Variants in CSTPP1 observed in about 807,000 individuals in gnomAD.
The protein encoded by CSTPP1 is UPF0705 protein C11orf49.
the CSTPP1 span, among the ~76,000 whole-genome samples, chr11:47,082,149 C>CAAAAAA: frequency 1.2e-5 from 1 of 83,262 alleles, no homozygotes; most frequent in South Asian, 3.9e-4. Context: ...GACCCTGTCT[C>CAAAAAA]AAAAAAAAAA....
At chr11:46,966,104 G>A in the CSTPP1 span, among the ~76,000 whole-genome samples, 5 of 152,216 alleles carry the variant, frequency 3.3e-5, no homozygotes, top group East Asian at 1.9e-4. Context: ...GTTCAGTGGC[G>A]TGATCTTGGC....
the CSTPP1 span, among the ~76,000 whole-genome samples, chr11:47,034,507 T>C: frequency 6.8e-6 from 1 of 146,606 alleles, no homozygotes; most frequent in Non-Finnish European, 1.5e-5. Flanking sequence ...AAAGCTTCTT[T>C]TTTTTTTTTT....
At chr11:46,936,727 G>A in the CSTPP1 span, 3 of 1,584,316 alleles carry the variant, frequency 1.9e-6, no homozygotes, top group Non-Finnish European at 2.6e-6. Flanking sequence ...CCGCGTGGGT[G>A]CCATGGCAAC....
the CSTPP1 span, among the ~76,000 whole-genome samples, chr11:47,077,607 T>G: frequency 6.6e-6 from 1 of 152,200 alleles, no homozygotes; most frequent in African/African-American, 2.4e-5. Context: ...GAGAATAAGT[T>G]TAGGAAGATG....
the CSTPP1 span, among the ~76,000 whole-genome samples, chr11:46,944,442 G>A: frequency 2.0e-5 from 3 of 151,996 alleles, no homozygotes; most frequent in African/African-American, 4.8e-5. Context: ...GTGCAAATAC[G>A]TAAACATCTG....
At chr11:47,124,114 CTTTTTTTTTTTTTT>C in the CSTPP1 span, among the ~76,000 whole-genome samples, 1 of 63,216 alleles carries the variant, frequency 1.6e-5, no homozygotes, top group East Asian at 6.6e-4. Flanking sequence ...AATGGTCTTA[CTTTTTTTTTTTTTT>C]TTTTTTTTTT....
the CSTPP1 span, chr11:46,987,682 G>A: frequency 1.1e-5 from 2 of 185,314 alleles, no homozygotes; most frequent in African/African-American, 4.7e-5. Context: ...ATGGAATCTA[G>A]GCTAATGTTC....
chr11:46,997,668 TG>T, the CSTPP1 span, among the ~76,000 whole-genome samples: 1 of 152,250 alleles, frequency 6.6e-6, no homozygotes, highest in African/African-American at 2.4e-5. Flanking sequence ...TTTTCTGCTC[TG>T]GTTTCTCCCC....
the CSTPP1 span, among the ~76,000 whole-genome samples, chr11:47,134,626 A>G: frequency 3.9e-5 from 6 of 152,170 alleles, no homozygotes; most frequent in Non-Finnish European, 5.9e-5. Flanking sequence ...GGCCCAAAAT[A>G]GACAGGAGCA....
At chr11:47,027,921 T>C in the CSTPP1 span, among the ~76,000 whole-genome samples, 7 of 88,600 alleles carry the variant, frequency 7.9e-5, no homozygotes, top group Non-Finnish European at 1.7e-4. Flanking sequence ...ATTTTCTTTT[T>C]TTTTTCTTTT....
the CSTPP1 span, among the ~76,000 whole-genome samples, chr11:46,955,708 T>G: frequency 1.3e-5 from 2 of 151,608 alleles, no homozygotes; most frequent in African/African-American, 4.8e-5. Context: ...GAAGAAATGG[T>G]CGGCCTAGCG....
At chr11:47,129,237 G>A in the CSTPP1 span, among the ~76,000 whole-genome samples, 4 of 152,204 alleles carry the variant, frequency 2.6e-5, no homozygotes, top group Admixed American at 2.6e-4. Context: ...ACCTGGTGGA[G>A]CTGCATGAGC....
the CSTPP1 span, among the ~76,000 whole-genome samples, chr11:47,113,303 G>A: frequency 2.0e-5 from 3 of 152,126 alleles, no homozygotes; most frequent in Admixed American, 6.6e-5. Flanking sequence ...ATAAACATAC[G>A]TATGCATGTG....
At chr11:46,956,725 T>C in the CSTPP1 span, among the ~76,000 whole-genome samples, 1 of 152,166 alleles carries the variant, frequency 6.6e-6, no homozygotes, top group Non-Finnish European at 1.5e-5. Context: ...TTGCTCTTCT[T>C]GATTTTTCAG....
the CSTPP1 span, chr11:47,164,288 C>T: frequency 1.8e-4 from 278 of 1,585,370 alleles, no homozygotes; most frequent in African/African-American, 3.0e-3. Flanking sequence ...AGGCAGGATC[C>T]AGAGGACACT....
At chr11:46,937,901 T>A in the CSTPP1 span, among the ~76,000 whole-genome samples, 5 of 151,816 alleles carry the variant, frequency 3.3e-5, no homozygotes, top group African/African-American at 1.2e-4. Context: ...TTTGTTTTGT[T>A]TTGTTTTTTG....
At chr11:46,966,245 G>T in the CSTPP1 span, among the ~76,000 whole-genome samples, 7 of 152,150 alleles carry the variant, frequency 4.6e-5, no homozygotes, top group African/African-American at 1.7e-4. Flanking sequence ...GTTTCACCAT[G>T]TTGGCCAGGA....
chr11:47,014,392 AAAAG>A, the CSTPP1 span, among the ~76,000 whole-genome samples: 1 of 151,774 alleles, frequency 6.6e-6, no homozygotes, highest in Non-Finnish European at 1.5e-5. Flanking sequence ...AAAGAAAAAA[AAAAG>A]AGAGAAAGGA....
chr11:47,056,317 T>C, the CSTPP1 span, among the ~76,000 whole-genome samples: 4 of 152,362 alleles, frequency 2.6e-5, no homozygotes, highest in Non-Finnish European at 5.9e-5. Context: ...AGCTAGTTTC[T>C]GTGATAGAAC....
Sources: allele counts gnomAD v4.1 joint callset (sites outside exome capture counted in the v4.1 genomes callset), GRCh38; gene constraint gnomAD v4.1.1; transcripts MANE v1.5; gene names NCBI Gene and HGNC (gene_info 2026-07-23, HGNC 2026-07-21).